CNTNAP4: variants seen among roughly 807,000 people sequenced by gnomAD.
The protein encoded by CNTNAP4 is contactin associated protein family member 4, also known as contactin-associated protein-like 4.
In CNTNAP4, 98 loss-of-function variants were observed where a neutral mutation model predicts 148.4. The observed-to-expected ratio is 0.66, with a 90% CI of 0.56 to 0.78. The LOEUF is 0.78. CNTNAP4 is among the 30% of genes least tolerant of loss of function. The probability of loss-of-function intolerance (pLI) is 0.00; values close to 1 mark genes in which losing one functional copy is unlikely to be tolerated. For synonymous variants in CNTNAP4, 730 were observed against 565.1 expected (o/e 1.29, Z -4.14); for missense variants, 1,935 against 1,565.6 (o/e 1.24, Z -3.98).
chr16:76,358,795 G>A (rs534524992), intron 3 of CNTNAP4, among the ~76,000 whole-genome samples: 5 of 152,274 alleles, frequency 3.3e-5, no homozygotes, highest in African/African-American at 4.8e-5. Context: ...ACATAGCTAA[G>A]TTGTAGTGTA....
chr16:76,405,510 A>C (rs2078571477), intron 3 of CNTNAP4, among the ~76,000 whole-genome samples: 1 of 152,212 alleles, frequency 6.6e-6, no homozygotes, highest in Admixed American at 6.5e-5. Context: ...TTTGTATATG[A>C]GTTATATACT....
At chr16:76,281,643 G>A (rs1958691884) in intron 1 of CNTNAP4, among the ~76,000 whole-genome samples, 1 of 152,020 alleles carries the variant, frequency 6.6e-6, no homozygotes, top group African/African-American at 2.4e-5. Context: ...ATTGACTTTT[G>A]TTAAAGAAAA....
intron 17 of CNTNAP4, among the ~76,000 whole-genome samples, chr16:76,529,350 T>C (rs1339373730): frequency 6.6e-6 from 1 of 152,172 alleles, no homozygotes; most frequent in African/African-American, 2.4e-5. Flanking sequence ...AATCAGTGTA[T>C]TGAACACGTG....
chr16:76,539,778 G>A lies in CNTNAP4; in HGVS notation c.3280G>A (p.Asp1094Asn), dbSNP rs1597107529. The A allele has an allele frequency of 6.2e-7, 1 of 1,602,308 alleles. No individual in the cohort carries two copies. Among genetic ancestry groups the A allele is most frequent in the African/African-American group, 1.3e-5 (1 of 74,358 alleles). ...TCAAGAGCCTGATGTTGTTAACTTT[G>A]ATTTTAAAAACATGGCTGATGGACA... The part of the protein sequence containing the change: ...KYQEPDVVNF[D>N]FKNMADGQLH... The change falls in exon 20 of 24, where the codon GAT becomes AAT. Residue 1094 changes from aspartate (D) to asparagine (N), a missense_variant. Physicochemically the swap from Asp to Asn is conservative, Grantham distance 23 (BLOSUM62 1). Transcript: ENST00000611870.
At chr16:76,523,405 C>A (rs1402182301) in intron 17 of CNTNAP4, among the ~76,000 whole-genome samples, 1 of 151,888 alleles carries the variant, frequency 6.6e-6, no homozygotes, top group Admixed American at 6.6e-5. Context: ...TTCTGGTCAC[C>A]TTCTTAATAT....
At chr16:76,351,019 T>G (rs1440573843) in intron 2 of CNTNAP4, among the ~76,000 whole-genome samples, 1 of 152,166 alleles carries the variant, frequency 6.6e-6, no homozygotes, top group Non-Finnish European at 1.5e-5. Context: ...TAAATTATCA[T>G]TAACCATGGA....
intron 4 of CNTNAP4, among the ~76,000 whole-genome samples, chr16:76,431,277 G>T (rs1424569408): frequency 6.6e-6 from 1 of 152,150 alleles, no homozygotes; most frequent in African/African-American, 2.4e-5. Flanking sequence ...TGAAATTAGG[G>T]CTATGGGTTA....
rs559978862 is a variant in CNTNAP4, at chr16:76,497,148, T to A, written c.2238-1419T>A. On this transcript the variant is annotated intron_variant, in intron 14 of 23. Transcript: ENST00000611870. ...ATATGTTGGTAAATATAAAAGCCAG[T>A]GTTTAAATTATTTTCTTAATTAAAA... Among the ~76,000 whole-genome samples the A allele has an allele frequency of 1.3e-3, 191 of 152,336 alleles. 1 individual carries two copies. The highest frequency in any genetic ancestry group is 3.4e-3 in the Middle Eastern group (1 of 294).
At chr16:76,527,199 A>G (rs1289200422) in intron 17 of CNTNAP4, among the ~76,000 whole-genome samples, 1 of 152,118 alleles carries the variant, frequency 6.6e-6, no homozygotes, top group Admixed American at 6.5e-5. Flanking sequence ...TCACCTTCTC[A>G]GCAGTAAATT....
chr16:76,446,643 C>CAAT (rs2080259342), intron 4 of CNTNAP4, among the ~76,000 whole-genome samples: 1 of 152,108 alleles, frequency 6.6e-6, no homozygotes, highest in South Asian at 2.1e-4. Context: ...ACAGACCTTA[C>CAAT]AATATCATTA....
intron 10 of CNTNAP4, among the ~76,000 whole-genome samples, chr16:76,469,246 G>A (rs1233167467): frequency 1.3e-5 from 2 of 152,210 alleles, no homozygotes; most frequent in Admixed American, 6.5e-5. Flanking sequence ...AATGAAAGAT[G>A]ATATGAAAAG....
intron 2 of CNTNAP4, among the ~76,000 whole-genome samples, chr16:76,347,766 C>T (rs894142161): frequency 1.2e-4 from 18 of 151,624 alleles, no homozygotes; most frequent in African/African-American, 3.4e-4. Context: ...ATTCAAAGAA[C>T]AGCAAGGAGG....
rs190583820 is a variant in CNTNAP4 at position 76,424,092 on chromosome 16, T to C, written c.391-3360T>C. Among the ~76,000 whole-genome samples, 46 of 152,312 alleles carry C rather than the reference T, an allele frequency of 3.0e-4. No homozygotes were observed. In the East Asian group the frequency reaches 8.9e-3, roughly 29 times the overall value. ...ATATTTTTATTATTAATATAAACTGTATCTTATATTTATTCTTAACGTTTT... is the reference window on the plus strand; with the variant it reads ...ATATTTTTATTATTAATATAAACTGCATCTTATATTTATTCTTAACGTTTT... On this transcript the variant is annotated intron_variant, in intron 3 of 23. Transcript: ENST00000611870.
intron 15 of CNTNAP4, among the ~76,000 whole-genome samples, chr16:76,513,158 A>G (rs535227974): frequency 2.0e-5 from 3 of 152,214 alleles, no homozygotes; most frequent in Non-Finnish European, 4.4e-5. Context: ...TGGACGGTTA[A>G]TTCATTCTGA....
intron 13 of CNTNAP4, among the ~76,000 whole-genome samples, chr16:76,492,721 G>A (rs974575738): frequency 6.6e-6 from 1 of 152,134 alleles, no homozygotes; most frequent in Non-Finnish European, 1.5e-5. Context: ...CTCTGTACAA[G>A]CTATCTTGCT....
chr16:76,492,680 T>A (rs2082266491), intron 13 of CNTNAP4, among the ~76,000 whole-genome samples: 1 of 152,204 alleles, frequency 6.6e-6, no homozygotes, highest in Non-Finnish European at 1.5e-5. Context: ...ATAAGTCTCA[T>A]GAGATCTTAT....
At chr16:76,384,814 A>G (rs9319496) in intron 3 of CNTNAP4, among the ~76,000 whole-genome samples, 61,447 of 152,064 alleles carry the variant, frequency 0.4, 12,915 homozygotes, top group Admixed American at 0.45. Flanking sequence ...TTAATTATCC[A>G]TATTTATAGC....
In CNTNAP4 at chr16:76,522,238, C is replaced by T. The variant is rs1475823895; in HGVS notation, c.2736C>T (p.Leu912=). The change falls in exon 17 of 24, where the codon CTC becomes CTT. Residue 912 remains leucine, a synonymous_variant. Coordinates refer to ENST00000611870, the MANE Select transcript of CNTNAP4 (RefSeq NM_033401.5). ...APADGHVLLQ[L]NSQLFVGGTA... Reference sequence around the variant, plus strand: ...CTGATGGGCATGTCCTGTTACAGCTCAACAGTCAGCTCTTCGTGGGTAAGT... The same window carrying T: ...CTGATGGGCATGTCCTGTTACAGCTTAACAGTCAGCTCTTCGTGGGTAAGT... 6.2e-7 allele frequency: 1 copy of T among 1,613,680 alleles called. No homozygotes were observed. Among genetic ancestry groups the T allele is most frequent in the African/African-American group, 1.3e-5 (1 of 74,886 alleles).
intron 9 of CNTNAP4, among the ~76,000 whole-genome samples, chr16:76,464,239 G>A (rs529608187): frequency 5.1e-4 from 77 of 152,288 alleles, no homozygotes; most frequent in Non-Finnish European, 9.6e-4. Flanking sequence ...AGAGGGGAAA[G>A]GGTTCTAAGT....
Sources: gnomAD v4.1 joint callset for allele counts (sites outside exome capture counted in the v4.1 genomes callset) on GRCh38, gnomAD v4.1.1 for gene constraint, MANE v1.5 for transcripts, NCBI Gene and HGNC (gene_info 2026-07-23, HGNC 2026-07-21) for gene names.